LARP4: variants seen among roughly 807,000 people sequenced by gnomAD.
The protein encoded by LARP4 is La ribonucleoprotein 4.
A neutral mutation model predicts 92.9 loss-of-function variants in LARP4; 29 were observed. That is an observed-to-expected ratio of 0.31 (90% confidence interval 0.23 to 0.43). The LOEUF (loss-of-function observed/expected upper bound fraction) is 0.43. Ranked by LOEUF, LARP4 falls within the 20% of genes least tolerant of loss-of-function variation. LARP4 has a pLI of 1.00. For missense variants in LARP4, 732 were observed against 860.0 expected (o/e 0.85, Z 1.86); for synonymous variants, 279 against 284.1 (o/e 0.98, Z 0.18).
chr12:50,434,493 A>G (rs1950136136), intron 4 of LARP4, among the ~76,000 whole-genome samples: 1 of 147,466 alleles, frequency 6.8e-6, no homozygotes, highest in Non-Finnish European at 1.5e-5. Context: ...ATCTCGGCTC[A>G]TTGCAATCTC....
In LARP4 at chr12:50,461,120, T is replaced by C; in HGVS notation, c.1122-15T>C. ...GATTTACTGCTTTGTGTATATCATT[T>C]TGTATTTCCTATAGTGTGAAGCCTC... On this transcript the variant is annotated splice_polypyrimidine_tract_variant and intron_variant, in intron 10 of 15. Coordinates refer to ENST00000398473, the MANE Select transcript of LARP4 (RefSeq NM_052879.5). 1 of 1,599,162 alleles carries C rather than the reference T, an allele frequency of 6.3e-7. No homozygotes were observed. Among genetic ancestry groups the C allele is most frequent in the South Asian group, 1.1e-5 (1 of 90,782 alleles).
chr12:50,447,997 G>A (rs1952503825), intron 8 of LARP4, among the ~76,000 whole-genome samples: 1 of 152,072 alleles, frequency 6.6e-6, no homozygotes, highest in African/African-American at 2.4e-5. Flanking sequence ...CTCCCGAGTA[G>A]CTGGGATTAC....
chr12:50,402,755 C>T (rs1247468455), intron 1 of LARP4: 4 of 455,256 alleles, frequency 8.8e-6, no homozygotes, highest in African/African-American at 4.0e-5. Context: ...AGATCCAGGT[C>T]ATGCTGATGT....
Position 50,472,321 on chromosome 12 carries a change from A to G in LARP4, c.1546-1094A>G, listed in dbSNP as rs555392914. 2.0e-5 allele frequency among the ~76,000 whole-genome samples: 3 copies of G among 152,236 alleles called. No homozygotes were observed. The South Asian group carries it at 6.2e-4, about 32-fold the overall frequency. On this transcript the variant is annotated intron_variant, in intron 13 of 15. Coordinates refer to ENST00000398473, the MANE Select transcript of LARP4 (RefSeq NM_052879.5). ...AAAACTCTATACCTATTAAACCATT[A>G]CCTGTTCCTCCTTTCTCTTATCCTT... is the stretch of plus-strand genomic sequence containing the variant.
intron 4 of LARP4, 137 bp from the exon 5 acceptor site, chr12:50,435,351 A>G: frequency 3.2e-6 from 2 of 615,762 alleles, no homozygotes; most frequent in Non-Finnish European, 2.8e-6. Context: ...TTTAGAGTTC[A>G]CTGAAAAGTT....
chr12:50,472,449 C>G (rs939659430), intron 13 of LARP4, among the ~76,000 whole-genome samples: 1 of 151,982 alleles, frequency 6.6e-6, no homozygotes, highest in Non-Finnish European at 1.5e-5. Flanking sequence ...GTTTATTTTA[C>G]TTAACATCCT....
At chr12:50,458,882 T>A (rs1446988921) in intron 10 of LARP4, among the ~76,000 whole-genome samples, 1 of 152,256 alleles carries the variant, frequency 6.6e-6, no homozygotes, top group Non-Finnish European at 1.5e-5. Flanking sequence ...CATACCTTAA[T>A]TCATGCAGTC....
intron 1 of LARP4, among the ~76,000 whole-genome samples, chr12:50,420,389 A>C (rs940420299): frequency 3.3e-5 from 5 of 152,324 alleles, no homozygotes; most frequent in Admixed American, 3.3e-4. Flanking sequence ...ATTTTATTGG[A>C]GTTTCAGAAG....
In LARP4 at chr12:50,427,783, G is replaced by A. The variant is rs1229510474; in HGVS notation, c.40G>A (p.Gly14Ser). 1 of 1,593,454 alleles carries A rather than the reference G, an allele frequency of 6.3e-7. No individual in the cohort carries two copies. The highest frequency in any genetic ancestry group is 1.3e-5 in the African/African-American group (1 of 74,638). ...TTAGCAGGTAGCATCTAAAGGAACT[G>A]GTTTAAATCCTAATGCCAAAGTATG... ...FVEQVASKGT[G>S]LNPNAKVWQE... The change falls in exon 2 of 16, where the codon GGT (glycine) becomes AGT (serine). Residue 14 changes from glycine to serine, a missense_variant. By Grantham distance (56) the Gly-to-Ser change is moderately conservative (BLOSUM62 0). This residue lies in a region of LARP4 where 236 missense variants were observed against 307.6 expected (regional missense o/e 0.77). Coordinates refer to ENST00000398473, the MANE Select transcript of LARP4 (RefSeq NM_052879.5).
intron 10 of LARP4, 59 bp downstream of exon 10, chr12:50,454,476 A>G: frequency 2.4e-6 from 3 of 1,237,360 alleles, no homozygotes; most frequent in South Asian, 1.3e-5. Flanking sequence ...ATCTTAAGGC[A>G]TTAATAGCAA....
Position 50,476,047 on chromosome 12 carries a change from T to A in LARP4, c.*183T>A. 2.1e-6 allele frequency: 1 copy of A among 471,090 alleles called. No individual in the cohort carries two copies. Among genetic ancestry groups the A allele is most frequent in the Non-Finnish European group, 3.9e-6 (1 of 259,664 alleles). The allele number at this position is 471,090 out of a possible 1,614,324, so 29.2% of individuals were successfully genotyped here. A position where few individuals can be genotyped will look rare whatever the true frequency, so the allele number is the denominator to read the frequency against. On this transcript the variant is annotated 3_prime_UTR_variant, in exon 16 of 16. Transcript: ENST00000398473. ...CAAAATTCATCTCTAATGTGGTTTT[T>A]AAATGCTGGAGGATTCCAATCAATA...
At position 50,429,021 on chromosome 12, in the gene LARP4, A is replaced by G; in HGVS notation, c.253A>G (p.Ile85Val). The change falls in exon 3 of 16, where the codon ATT (isoleucine) becomes GTT (valine). Residue 85 changes from isoleucine to valine, a missense_variant. Ile to Val is a conservative substitution (Grantham distance 29, BLOSUM62 3). Transcript: ENST00000398473. ...TGAAACCACAAGAAATACTACAGGC[A>G]TTGAAGAATCAACTGATGGGATGAT... ...SCETTRNTTG[I>V]EESTDGMILG... The G allele has an allele frequency of 5.0e-6, 8 of 1,611,268 alleles. No individual in the cohort carries two copies. The highest frequency in any genetic ancestry group is 6.8e-6 in the Non-Finnish European group (8 of 1,178,016).
At chr12:50,461,437 C>T in intron 11 of LARP4, 90 bp downstream of exon 11, 2 of 1,194,572 alleles carry the variant, frequency 1.7e-6, no homozygotes, top group Non-Finnish European at 2.4e-6. Flanking sequence ...ATTAAATGAG[C>T]ATTTAATTAT....
rs781340702 is a variant in LARP4 at position 50,453,419 on chromosome 12, T to C, written c.805-41T>C. On this transcript the variant is annotated intron_variant, in intron 8 of 15. Coordinates refer to ENST00000398473, the MANE Select transcript of LARP4 (RefSeq NM_052879.5). Reference sequence around the variant, plus strand: ...TAAATTAAATGTATTTTTTAAAATATACACTTAATTCTTTGTTGCTATAAT... The same window carrying C: ...TAAATTAAATGTATTTTTTAAAATACACACTTAATTCTTTGTTGCTATAAT... 7.9e-6 allele frequency: 9 copies of C among 1,144,164 alleles called. No individual in the cohort carries two copies. In the African/African-American group the frequency reaches 9.2e-5, roughly 12 times the overall value. 70.9% of individuals were successfully genotyped at this position (1,144,164 alleles called of 1,614,324 possible). A position where few individuals can be genotyped will look rare whatever the true frequency, so the allele number is the denominator to read the frequency against.
At chr12:50,459,695 G>A (rs181110229) in intron 10 of LARP4, among the ~76,000 whole-genome samples, 447 of 151,854 alleles carry the variant, frequency 2.9e-3, no homozygotes, top group Non-Finnish European at 3.4e-3. Context: ...GTGGTGGCAC[G>A]TGCCTATAGT....
intron 4 of LARP4, 68 bp downstream of exon 4, chr12:50,430,638 G>A (rs1013271386): frequency 5.6e-6 from 5 of 895,730 alleles, no homozygotes; most frequent in Non-Finnish European, 8.7e-6. Context: ...AGAGCGCAAG[G>A]ATGGTGATTA....
intron 2 of LARP4, 90 bp from the exon 3 acceptor site, chr12:50,428,845 A>T: frequency 1.0e-6 from 1 of 961,668 alleles, no homozygotes; most frequent in Non-Finnish European, 1.5e-6. Flanking sequence ...AAATCCTTAA[A>T]ATCTTTTTAT....
At chr12:50,443,218 CTG>C (rs2137730175) in intron 8 of LARP4, among the ~76,000 whole-genome samples, 1 of 152,246 alleles carries the variant, frequency 6.6e-6, no homozygotes, top group African/African-American at 2.4e-5. Context: ...TTCAGATTCT[CTG>C]TTTTCTTTGA....
At chr12:50,432,006 C>T (rs1012108111) in intron 4 of LARP4, among the ~76,000 whole-genome samples, 21 of 152,008 alleles carry the variant, frequency 1.4e-4, no homozygotes, top group African/African-American at 4.8e-4. Context: ...GGTGTGGTAG[C>T]GTGGCCCTGT....
Sources: allele counts gnomAD v4.1 joint callset (sites outside exome capture counted in the v4.1 genomes callset), GRCh38; gene constraint gnomAD v4.1.1; regional missense constraint gnomAD v4.1.1; transcripts MANE v1.5; gene names NCBI Gene and HGNC (gene_info 2026-07-23, HGNC 2026-07-21).